The following ZMYM4 variants were observed in gnomAD, a reference collection of about 807,000 sequenced individuals.
The protein encoded by ZMYM4 is zinc finger MYM-type protein 4.
A neutral mutation model predicts 183.2 loss-of-function variants in ZMYM4; 31 were observed. The ratio of observed to expected loss-of-function variants is 0.17; its 90% CI spans 0.13 to 0.23. The LOEUF is 0.23. ZMYM4 is among the 10% of genes least tolerant of loss of function. The pLI, the probability that ZMYM4 is intolerant of heterozygous loss-of-function variation, is 1.00. For missense variants in ZMYM4, 1,273 were observed against 1,840.3 expected, an observed-to-expected ratio of 0.69 and a Z score of 5.64; for synonymous variants, 592 against 631.2, an observed-to-expected ratio of 0.94 and a Z score of 0.93.
At chr1:35,292,727 T>C (rs1280139977) in intron 1 of ZMYM4, among the ~76,000 whole-genome samples, 1 of 152,134 alleles carries the variant, frequency 6.6e-6, no homozygotes, top group African/African-American at 2.4e-5. Flanking sequence ...CTCTAACTCC[T>C]AACATCAGGT....
At position 35,387,588 on chromosome 1, in the gene ZMYM4, G is replaced by A. The variant is rs756402153; in HGVS notation, c.2247G>A (p.Lys749=). ...KETVRFSGAD[K]SFCSEGCKLL... is the part of the protein sequence containing the mutation. Reference sequence around the variant, plus strand: ...CTGTTCGGTTCTCAGGTGCTGACAAGTCATTCTGTAGTGAAGGTAAAGACA... The same window carrying A: ...CTGTTCGGTTCTCAGGTGCTGACAAATCATTCTGTAGTGAAGGTAAAGACA... The change falls in exon 13 of 30, where the codon AAG becomes AAA. Residue 749 remains lysine, a synonymous_variant. Transcript: ENST00000314607. 1 of 1,611,608 alleles carries A rather than the reference G, an allele frequency of 6.2e-7. No individual in the cohort carries two copies. The highest frequency in any genetic ancestry group is 1.1e-5 in the South Asian group (1 of 90,422).
intron 1 of ZMYM4, among the ~76,000 whole-genome samples, chr1:35,307,956 A>G (rs906606461): frequency 1.3e-5 from 2 of 151,442 alleles, no homozygotes; most frequent in African/African-American, 4.9e-5. Flanking sequence ...CAGCCTCCCA[A>G]GTAGCTGGGA....
chr1:35,386,237 T>TTGA (rs771947856), intron 11 of ZMYM4, 48 bp downstream of exon 11: 1 of 1,339,522 alleles, frequency 7.5e-7, no homozygotes, highest in Non-Finnish European at 1.1e-6. Context: ...AGTCACCTAC[T>TTGA]GTATGAGTCT....
intron 5 of ZMYM4, among the ~76,000 whole-genome samples, 156 bp downstream of exon 5, chr1:35,361,945 T>A (rs1303457918): frequency 2.0e-5 from 3 of 152,248 alleles, no homozygotes; most frequent in Non-Finnish European, 2.9e-5. Context: ...ATATAAGGCA[T>A]TAACGAGCTA....
chr1:35,361,641 A>G lies in ZMYM4; in HGVS notation c.692A>G (p.Asn231Ser), dbSNP rs749818676. The part of the protein sequence containing the change: ...NFRDSSYPFA[N>S]KESIGSELGN... ...TAGGATTCCAGCTACCCATTTGCCA[A>G]TAAAGAATCCATTGGTTCGGAACTG... is the stretch of plus-strand genomic sequence containing the variant. The change falls in exon 5 of 30, where the codon AAT becomes AGT. Residue 231 changes from asparagine (N) to serine (S), a missense_variant. This residue lies in a region of ZMYM4 where 384 missense variants were observed against 465.6 expected (regional missense o/e 0.82). Coordinates refer to ENST00000314607, the MANE Select transcript of ZMYM4 (RefSeq NM_005095.3). The G allele has an allele frequency of 6.8e-6, 11 of 1,612,682 alleles. No individual in the cohort carries two copies. Among genetic ancestry groups the G allele is most frequent in the Non-Finnish European group, 9.3e-6 (11 of 1,179,550 alleles).
At chr1:35,408,259 C>A in intron 26 of ZMYM4, 100 bp downstream of exon 26, 1 of 1,358,432 alleles carries the variant, frequency 7.4e-7, no homozygotes, top group Admixed American at 2.4e-5. Flanking sequence ...CAGATATATA[C>A]TGGTATTTTC....
chr1:35,351,483 A>G lies in ZMYM4; in HGVS notation c.86-7442A>G, dbSNP rs1643605763. The G allele has an allele frequency of 1.4e-5, 21 of 1,553,378 alleles. 1 individual carries two copies. The South Asian group carries it at 2.4e-4, about 18-fold the overall frequency. On this transcript the variant is annotated intron_variant, in intron 2 of 29. Transcript: ENST00000314607. ...ACGAGAGAATCCAGTCTATGAAAAG[A>G]AGCCCAAGAAACAAAAAAGAAGAGG...
intron 23 of ZMYM4, among the ~76,000 whole-genome samples, chr1:35,403,963 G>C (rs945504460): frequency 2.6e-5 from 4 of 152,168 alleles, no homozygotes; most frequent in Non-Finnish European, 4.4e-5. Flanking sequence ...TGGCATGAGA[G>C]TCACAAGTGA....
At chr1:35,332,389 G>A (rs927900236) in intron 2 of ZMYM4, among the ~76,000 whole-genome samples, 8 of 151,522 alleles carry the variant, frequency 5.3e-5, no homozygotes, top group Admixed American at 3.3e-4. Flanking sequence ...GTTCAGAAAG[G>A]GTATACTGGG....
At chr1:35,402,348 A>T (rs1019503119) in intron 23 of ZMYM4, among the ~76,000 whole-genome samples, 1 of 152,106 alleles carries the variant, frequency 6.6e-6, no homozygotes, top group Admixed American at 6.6e-5. Context: ...GAGCACAATG[A>T]CTCACACCTA....
intron 1 of ZMYM4, among the ~76,000 whole-genome samples, chr1:35,321,333 A>G (rs1251438195): frequency 6.6e-6 from 1 of 152,096 alleles, no homozygotes; most frequent in African/African-American, 2.4e-5. Flanking sequence ...GAAGCTGAGT[A>G]TATGTTTACT....
rs1218340627 is a variant in ZMYM4, at chr1:35,421,937, G to A, written c.*2260G>A. On this transcript the variant is annotated 3_prime_UTR_variant, in exon 30 of 30. Transcript: ENST00000314607. ...TCCCTTAGAATAAAATAGTATATTT[G>A]TATTTGATGGGTGAGTTCTTCTTCT... is the stretch of plus-strand genomic sequence containing the variant. 1 of 152,028 alleles carries A rather than the reference G, an allele frequency of 6.6e-6. No homozygotes were observed. Among genetic ancestry groups the A allele is most frequent in the Non-Finnish European group, 1.5e-5 (1 of 67,988 alleles). 9.4% of individuals were successfully genotyped at this position (152,028 alleles called of 1,614,324 possible).
At chr1:35,407,948 A>G in intron 25 of ZMYM4, 60 bp from the exon 26 acceptor site, 3 of 1,602,048 alleles carry the variant, frequency 1.9e-6, no homozygotes, top group Non-Finnish European at 2.6e-6. Context: ...TTATTCAGTT[A>G]ATCAATGCTA....
intron 18 of ZMYM4, among the ~76,000 whole-genome samples, chr1:35,395,241 G>A (rs1257302902): frequency 7.0e-6 from 1 of 143,746 alleles, no homozygotes; most frequent in Admixed American, 7.0e-5. Context: ...TTAGTATTAT[G>A]TAGTTTGGTT....
chr1:35,303,041 G>C (rs1195206876), intron 1 of ZMYM4, among the ~76,000 whole-genome samples: 1 of 151,372 alleles, frequency 6.6e-6, no homozygotes, highest in Non-Finnish European at 1.5e-5. Context: ...ACCAGAGGTT[G>C]AGGTGGGAGG....
Position 35,399,473 on chromosome 1 carries a change from T to C in ZMYM4, c.3434-9T>C, listed in dbSNP as rs773283278. The C allele has an allele frequency of 1.4e-5, 22 of 1,613,324 alleles. No individual in the cohort carries two copies. The highest frequency in any genetic ancestry group is 1.7e-5 in the Non-Finnish European group (20 of 1,179,504). On this transcript the variant is annotated splice_polypyrimidine_tract_variant and intron_variant, in intron 22 of 29. Coordinates refer to ENST00000314607, the MANE Select transcript of ZMYM4 (RefSeq NM_005095.3). ...TACCTCATGTTGTCCTTTCTGCTGA[T>C]TATTATAGACTCCTTTGACCCACTT...
chr1:35,385,083 G>C (rs1644547313), intron 9 of ZMYM4, among the ~76,000 whole-genome samples: 2 of 152,074 alleles, frequency 1.3e-5, no homozygotes, highest in South Asian at 4.1e-4. Flanking sequence ...GACCTCAGGT[G>C]ATCCACCCAC....
chr1:35,361,909 A>G, intron 5 of ZMYM4, 120 bp downstream of exon 5: 1 of 1,334,318 alleles, frequency 7.5e-7, no homozygotes, highest in Non-Finnish European at 1.0e-6. Context: ...AAACTCTTAA[A>G]GAAGGTTGAG....
chr1:35,379,786 G>C (rs563180986), intron 7 of ZMYM4, among the ~76,000 whole-genome samples: 27 of 152,326 alleles, frequency 1.8e-4, no homozygotes, highest in African/African-American at 6.5e-4. Context: ...ATATTATTAT[G>C]CCTCAGGGAA....
Sources: gnomAD v4.1 joint callset for allele counts (sites outside exome capture counted in the v4.1 genomes callset) on GRCh38, gnomAD v4.1.1 for gene constraint, gnomAD v4.1.1 regional missense constraint, MANE v1.5 for transcripts, NCBI Gene and HGNC (gene_info 2026-07-23, HGNC 2026-07-21) for gene names.